The following TADA3 variants were observed in gnomAD, a reference collection of about 807,000 sequenced individuals.
The protein encoded by TADA3 is transcriptional adapter 3.
TADA3 carries 25 observed loss-of-function variants against 43.2 expected under a neutral mutation model. That is an observed-to-expected ratio of 0.58 (90% CI 0.42 to 0.81). TADA3 has a LOEUF of 0.81. Among genes scored for constraint, TADA3 ranks in the 30% least tolerant of loss-of-function variants. The pLI, the probability that TADA3 is intolerant of heterozygous loss-of-function variation, is 0.00. For synonymous variants in TADA3, 235 were observed against 225.5 expected (o/e 1.04, Z -0.38); for missense variants, 441 against 567.8 (o/e 0.78, Z 2.27).
At chr3:9,785,982 G>A (rs1575301313) in intron 6 of TADA3, among the ~76,000 whole-genome samples, 1 of 151,880 alleles carries the variant, frequency 6.6e-6, no homozygotes, top group Admixed American at 6.6e-5. Flanking sequence ...TGTCACCCAG[G>A]CTGTGGAGTG....
chr3:9,792,422 C>A lies in TADA3; in HGVS notation c.-234G>T, dbSNP rs911852575. On this transcript the variant is annotated 5_prime_UTR_variant, in exon 1 of 9. Coordinates refer to ENST00000301964, the MANE Select transcript of TADA3 (RefSeq NM_006354.5). Reference sequence around the variant, plus strand: ...CTGCGGCCTCCTACGGCCCCAGGGGCCGCGGGAGGGGGCGGGGAGTTCCGG... The same window carrying A: ...CTGCGGCCTCCTACGGCCCCAGGGGACGCGGGAGGGGGCGGGGAGTTCCGG... 1.9e-6 allele frequency: 2 copies of A among 1,047,906 alleles called. No homozygotes were observed. The highest frequency in any genetic ancestry group is 3.3e-5 in the African/African-American group (2 of 60,032). 64.9% of individuals were successfully genotyped at this position (1,047,906 alleles called of 1,614,324 possible). A position where few individuals can be genotyped will look rare whatever the true frequency, so the allele number is the denominator to read the frequency against.
chr3:9,780,089 G>C lies in TADA3; in HGVS notation c.*268C>G, dbSNP rs999565639. 1.1e-5 allele frequency: 4 copies of C among 370,050 alleles called. No homozygotes were observed. The highest frequency in any genetic ancestry group is 8.2e-5 in the African/African-American group (4 of 48,552). The allele number at this position is 370,050 out of a possible 1,614,324, so 22.9% of individuals were successfully genotyped here. On this transcript the variant is annotated 3_prime_UTR_variant, in exon 9 of 9. Transcript: ENST00000301964. ...TAGGGAGTGGGGGATGGTAAAGAGG[G>C]GAAGAGGAAGACCCAGAAACGAAGT...
chr3:9,791,575 A>T, intron 1 of TADA3, 82 bp from the exon 2 acceptor site: 1 of 809,984 alleles, frequency 1.2e-6, no homozygotes, highest in Non-Finnish European at 1.9e-6. Flanking sequence ...GACAGCCTCA[A>T]GGAAGCCCAG....
chr3:9,789,432 C>CT, intron 4 of TADA3, 77 bp downstream of exon 4: 1 of 1,360,782 alleles, frequency 7.3e-7, no homozygotes. Context: ...TGATGCATGG[C>CT]TTTGGTAGCT....
rs375495645 is a variant in TADA3, at chr3:9,784,207, C to T, written c.927G>A (p.Pro309=). 28 of 1,608,648 alleles carry T rather than the reference C, an allele frequency of 1.7e-5. No homozygotes were observed. The highest frequency in any genetic ancestry group is 1.2e-4 in the African/African-American group (9 of 74,782). Residue 309 remains proline, a synonymous_variant, in exon 8 of 9, where the codon CCG becomes CCA. Coordinates refer to ENST00000301964, the MANE Select transcript of TADA3 (RefSeq NM_006354.5). The stretch of plus-strand genomic sequence containing the variant: ...TGCGGCTCTCCAGGGACTTAGTATG[C>T]GGCACACTGCAGCGGGAGGCAGGCC... ...PRNQNKPFSV[P]HTKSLESRIK... is the part of the protein sequence containing the mutation.
chr3:9,790,053 A>T, intron 2 of TADA3, 90 bp from the exon 3 acceptor site: 1 of 1,445,062 alleles, frequency 6.9e-7, no homozygotes, highest in Non-Finnish European at 9.2e-7. Context: ...TCTAGAATCT[A>T]CAGAGGCTCC....
chr3:9,786,959 T>A, intron 6 of TADA3, 47 bp downstream of exon 6: 1 of 1,535,040 alleles, frequency 6.5e-7, no homozygotes, highest in Non-Finnish European at 9.0e-7. Context: ...CATAACACAT[T>A]AAAACACAAA....
At chr3:9,790,730 A>G (rs558605069) in intron 2 of TADA3, among the ~76,000 whole-genome samples, 1 of 152,352 alleles carries the variant, frequency 6.6e-6, no homozygotes, top group African/African-American at 2.4e-5. Flanking sequence ...AATCCTCACA[A>G]AAGCACTAAG....
chr3:9,782,776 G>C (rs2078508476), intron 8 of TADA3, among the ~76,000 whole-genome samples: 1 of 137,372 alleles, frequency 7.3e-6, no homozygotes, highest in Non-Finnish European at 1.6e-5. Flanking sequence ...GGGCAACAGA[G>C]TGAGACACCG....
intron 4 of TADA3, among the ~76,000 whole-genome samples, chr3:9,788,543 C>CT (rs879587825): frequency 8.7e-4 from 117 of 133,786 alleles, no homozygotes; most frequent in South Asian, 5.5e-3. Flanking sequence ...CCGCACCCGG[C>CT]TTTTTTTTTT....
In TADA3 at chr3:9,792,441, G is replaced by A. The variant is rs1575313240; in HGVS notation, c.-253C>T. 8.9e-7 allele frequency: 1 copy of A among 1,127,090 alleles called. No individual in the cohort carries two copies. The highest frequency in any genetic ancestry group is 1.1e-6 in the Non-Finnish European group (1 of 917,824). 69.8% of individuals were successfully genotyped at this position (1,127,090 alleles called of 1,614,324 possible). The stretch of plus-strand genomic sequence containing the variant: ...CAGGGGCCGCGGGAGGGGGCGGGGA[G>A]TTCCGGTCGATGTGAGCAACCGCCC... On this transcript the variant is annotated 5_prime_UTR_variant, in exon 1 of 9. Transcript: ENST00000301964.
chr3:9,792,416 C>A lies in TADA3; in HGVS notation c.-228G>T. 9.8e-7 allele frequency: 1 copy of A among 1,021,114 alleles called. No individual in the cohort carries two copies. The highest frequency in any genetic ancestry group is 1.2e-6 in the Non-Finnish European group (1 of 835,258). 63.3% of individuals were successfully genotyped at this position (1,021,114 alleles called of 1,614,324 possible). On this transcript the variant is annotated 5_prime_UTR_variant, in exon 1 of 9. Coordinates refer to ENST00000301964, the MANE Select transcript of TADA3 (RefSeq NM_006354.5). ...TCCTCGCTGCGGCCTCCTACGGCCC[C>A]AGGGGCCGCGGGAGGGGGCGGGGAG...
intron 8 of TADA3, among the ~76,000 whole-genome samples, chr3:9,782,785 C>T (rs538228959): frequency 6.5e-5 from 7 of 107,238 alleles, no homozygotes; most frequent in South Asian, 3.4e-4. Flanking sequence ...AGTGAGACAC[C>T]GTCTCAAAAA....
At chr3:9,786,956 C>T (rs1176891691) in intron 6 of TADA3, 50 bp downstream of exon 6, 2 of 1,499,026 alleles carry the variant, frequency 1.3e-6, no homozygotes, top group Non-Finnish European at 1.8e-6. Flanking sequence ...AAGCATAACA[C>T]ATTAAAACAC....
rs1433980078 is a variant in TADA3 at position 9,791,481 on chromosome 3, G to C, written c.-15C>G. 1 of 1,588,976 alleles carries C rather than the reference G, an allele frequency of 6.3e-7. No homozygotes were observed. Among genetic ancestry groups the C allele is most frequent in the East Asian group, 2.2e-5 (1 of 44,542 alleles). ...AACTCACTCATGGCCCAGGATATGG[G>C]GATCCTGTGGAGCTGGAGAGGACAG... On this transcript the variant is annotated 5_prime_UTR_variant, in exon 2 of 9. Transcript: ENST00000301964.
chr3:9,789,922 G>A lies in TADA3; in HGVS notation c.249C>T (p.Phe83=). Residue 83 remains phenylalanine (F), a synonymous_variant, in exon 3 of 9, where the codon TTC becomes TTT. Coordinates refer to ENST00000301964, the MANE Select transcript of TADA3 (RefSeq NM_006354.5). ...DWQDKKGDRR[F]LKLGRDHELG... The stretch of plus-strand genomic sequence containing the variant: ...GTTCATGGTCTCGACCCAGCTTCAG[G>A]AATCGTCTGTCACCTTTCTTATCCT... 2 of 1,612,142 alleles carry A rather than the reference G, an allele frequency of 1.2e-6. No individual in the cohort carries two copies. Among genetic ancestry groups the A allele is most frequent in the Non-Finnish European group, 1.7e-6 (2 of 1,179,378 alleles).
At chr3:9,783,528 G>C (rs933223707) in intron 8 of TADA3, 1 of 152,242 alleles carries the variant, frequency 6.6e-6, no homozygotes. Flanking sequence ...CTGTAATCCC[G>C]GCACTTTGGG....
At position 9,789,889 on chromosome 3, in the gene TADA3, A is replaced by T; in HGVS notation, c.282T>A (p.Ala94=). 6.2e-7 allele frequency: 1 copy of T among 1,613,356 alleles called. No individual in the cohort carries two copies. Among genetic ancestry groups the T allele is most frequent in the Non-Finnish European group, 8.5e-7 (1 of 1,179,876 alleles). Reference sequence around the variant, plus strand: ...TCTTGGGCTTCCCATGTTTGGGGGGAGCTCCAAGTTCATGGTCTCGACCCA... The same window carrying T: ...TCTTGGGCTTCCCATGTTTGGGGGGTGCTCCAAGTTCATGGTCTCGACCCA... ...LKLGRDHELG[A]PPKHGKPKKQ... The change falls in exon 3 of 9, where the codon GCT becomes GCA. Residue 94 remains alanine, a synonymous_variant. Transcript: ENST00000301964.
intron 6 of TADA3, 143 bp from the exon 7 acceptor site, chr3:9,785,568 CA>C: frequency 1.7e-6 from 1 of 595,332 alleles, no homozygotes; most frequent in South Asian, 2.2e-5. Flanking sequence ...CTTCCCATAC[CA>C]ATCCCAAATT....
Sources: gnomAD v4.1 joint callset for allele counts (sites outside exome capture counted in the v4.1 genomes callset) on GRCh38, gnomAD v4.1.1 for gene constraint, MANE v1.5 for transcripts, NCBI Gene and HGNC (gene_info 2026-07-23, HGNC 2026-07-21) for gene names.